The following GRHPR variants were observed in gnomAD, a reference collection of about 807,000 sequenced individuals.
GRHPR encodes glyoxylate reductase/hydroxypyruvate reductase.
GRHPR carries 35 observed loss-of-function variants against 36.8 expected under a neutral mutation model. The observed-to-expected ratio is 0.95, with a 90% CI of 0.73 to 1.26. The LOEUF is 1.26. Ranked by LOEUF, GRHPR falls within the 50% of genes most tolerant of loss-of-function variation. GRHPR has a pLI of 0.00. For synonymous variants in GRHPR, 179 were observed against 181.0 expected (o/e 0.99, Z 0.09); for missense variants, 380 against 435.0 (o/e 0.87, Z 1.12).
chr9:37,427,458 G>A (rs566647049), intron 4 of GRHPR, among the ~76,000 whole-genome samples: 6 of 152,292 alleles, frequency 3.9e-5, no homozygotes, highest in South Asian at 4.1e-4. Context: ...AATCTACCAC[G>A]TGCGCCATGC....
intron 8 of GRHPR, chr9:37,432,511 C>A: frequency 3.3e-6 from 1 of 305,432 alleles, no homozygotes; most frequent in Non-Finnish European, 6.5e-6. Flanking sequence ...AACCCCATCT[C>A]TACTAAAAAT....
At chr9:37,433,861 T>C in intron 8 of GRHPR, 1 of 393,542 alleles carries the variant, frequency 2.5e-6, no homozygotes, top group Admixed American at 4.4e-5. Flanking sequence ...CTGCCCTTAA[T>C]TTGGATTCTG....
intron 8 of GRHPR, chr9:37,432,878 T>G (rs1368425353): frequency 1.3e-5 from 2 of 153,592 alleles, no homozygotes; most frequent in Non-Finnish European, 2.9e-5. Context: ...CTCTTCTGCT[T>G]TGTGGGGCTG....
At chr9:37,433,304 A>T (rs1823467243) in intron 8 of GRHPR, among the ~76,000 whole-genome samples, 1 of 146,796 alleles carries the variant, frequency 6.8e-6, no homozygotes, top group South Asian at 2.1e-4. Context: ...TGCAATCTGA[A>T]CTCACTGCAA....
chr9:37,428,440 G>T, intron 4 of GRHPR, 44 bp from the exon 5 acceptor site: 1 of 1,279,698 alleles, frequency 7.8e-7, no homozygotes, highest in Non-Finnish European at 1.1e-6. Flanking sequence ...CCCCCATCTT[G>T]GTCCAAGGCT....
At chr9:37,438,006 T>G (rs1804459711), downstream of GRHPR, 1 of 152,210 alleles carries the variant, frequency 6.6e-6, no homozygotes, top group South Asian at 2.1e-4. Flanking sequence ...AATAGAAGGT[T>G]TGGTTTAAAA....
chr9:37,430,832 C>T (rs1250418540), intron 7 of GRHPR, 186 bp downstream of exon 7: 7 of 696,994 alleles, frequency 1.0e-5, no homozygotes, highest in East Asian at 8.6e-5. Flanking sequence ...GAAGAAGAGC[C>T]GTCAGAGTGG....
downstream of GRHPR, among the ~76,000 whole-genome samples, chr9:37,437,903 A>G (rs1357795369): frequency 1.3e-5 from 2 of 152,178 alleles, no homozygotes; most frequent in South Asian, 2.1e-4. Flanking sequence ...GTAGACTGAA[A>G]AGCAAAATCT....
chr9:37,427,434 A>T (rs1159600284), intron 4 of GRHPR, among the ~76,000 whole-genome samples: 1 of 152,206 alleles, frequency 6.6e-6, no homozygotes, highest in East Asian at 1.9e-4. Context: ...GACACTGCAG[A>T]GGGTGATGTG....
Position 37,432,151 on chromosome 9 carries a change from C to T in GRHPR, c.865+13C>T. 6.2e-7 allele frequency: 1 copy of T among 1,613,584 alleles called. No individual in the cohort carries two copies. Among genetic ancestry groups the T allele is most frequent in the Non-Finnish European group, 8.5e-7 (1 of 1,179,550 alleles). On this transcript the variant is annotated intron_variant, in intron 8 of 8. Transcript: ENST00000318158. ...CTGAAGAACTGTGGTAAGAACTGCA[C>T]TTTCTGATGCAAACTCCCTGCTGCC...
intron 6 of GRHPR, chr9:37,430,266 C>G (rs1287504427): frequency 1.7e-6 from 1 of 595,564 alleles, no homozygotes; most frequent in African/African-American, 1.8e-5. Context: ...CAGGCTGGAT[C>G]TCAAGCATTC....
rs1221971768 is a variant in GRHPR at position 37,422,709 on chromosome 9, A to C, written c.-42A>C. ...CCCGGCCCAGCTACATTCCCGGGCC[A>C]GCTTCTGTACTGCCAGGTCCGGGTC... is the stretch of plus-strand genomic sequence containing the variant. On this transcript the variant is annotated 5_prime_UTR_variant, in exon 1 of 9. Transcript: ENST00000318158. 3 of 1,456,928 alleles carry C rather than the reference A, an allele frequency of 2.1e-6. No individual in the cohort carries two copies. The highest frequency in any genetic ancestry group is 3.8e-5 in the Admixed American group (2 of 52,088). 90.3% of individuals were successfully genotyped at this position (1,456,928 alleles called of 1,614,324 possible).
At chr9:37,435,875 C>T (rs914011900) in intron 8 of GRHPR, among the ~76,000 whole-genome samples, 1 of 152,066 alleles carries the variant, frequency 6.6e-6, no homozygotes, top group Non-Finnish European at 1.5e-5. Context: ...TGGGCTCAAG[C>T]GAACCTTGCA....
intron 8 of GRHPR, 26 bp from the exon 9 acceptor site, chr9:37,436,635 C>CCTCTCT (rs34302950): frequency 1.1e-5 from 17 of 1,525,018 alleles, no homozygotes; most frequent in African/African-American, 1.4e-5. Flanking sequence ...TTCTTATCTC[C>CCTCTCT]CTCTCTCTCT....
At chr9:37,434,065 G>C (rs1297722594) in intron 8 of GRHPR, 14 of 149,844 alleles carry the variant, frequency 9.3e-5, no homozygotes, top group Non-Finnish European at 1.8e-4. Flanking sequence ...TTCAGCTCAC[G>C]GCCTGGGGAC....
intron 3 of GRHPR, 176 bp from the exon 4 acceptor site, chr9:37,426,361 TG>T: frequency 1.5e-6 from 1 of 686,330 alleles, no homozygotes; most frequent in Non-Finnish European, 2.7e-6. Context: ...CCTTCCAAAG[TG>T]GGAGATAATC....
At chr9:37,426,506 G>C (rs1322094835) in intron 3 of GRHPR, 32 bp from the exon 4 acceptor site, 2 of 1,309,174 alleles carry the variant, frequency 1.5e-6, no homozygotes, top group Non-Finnish European at 2.2e-6. Flanking sequence ...TATGGTTGAG[G>C]CTGATGTTAC....
chr9:37,428,378 G>A (rs534549506), intron 4 of GRHPR, 106 bp from the exon 5 acceptor site: 26 of 791,876 alleles, frequency 3.3e-5, no homozygotes, highest in Non-Finnish European at 5.7e-5. Context: ...CCGTGACCTG[G>A]AGGGTGGGTT....
At chr9:37,439,033 T>C (rs578208909), downstream of GRHPR, 1 of 152,356 alleles carries the variant, frequency 6.6e-6, no homozygotes, top group African/African-American at 2.4e-5. Flanking sequence ...AACTGAATAA[T>C]TTATCTGATT....
Sources: gnomAD v4.1 joint callset for allele counts (sites outside exome capture counted in the v4.1 genomes callset) on GRCh38, gnomAD v4.1.1 for gene constraint, MANE v1.5 for transcripts, NCBI Gene and HGNC (gene_info 2026-07-23, HGNC 2026-07-21) for gene names.